The following SPMAP2L variants were observed in gnomAD, a reference collection of about 807,000 sequenced individuals.
SPMAP2L encodes the protein sperm microtubule associated protein 2 like, also known as sperm microtubule associated protein 2-like.
At chr4:56,541,403 T>C in the SPMAP2L span, among the ~76,000 whole-genome samples, 1 of 152,218 alleles carries the variant, frequency 6.6e-6, no homozygotes, top group Non-Finnish European at 1.5e-5. Flanking sequence ...TATTAATTTT[T>C]TCACTTGCAT....
chr4:56,558,640 T>C, the SPMAP2L span, among the ~76,000 whole-genome samples: 56 of 152,240 alleles, frequency 3.7e-4, no homozygotes, highest in East Asian at 8.9e-3. Context: ...ATACACACAT[T>C]ACCTCAGCTT....
At chr4:56,540,330 G>A in the SPMAP2L span, among the ~76,000 whole-genome samples, 1 of 152,022 alleles carries the variant, frequency 6.6e-6, no homozygotes, top group Non-Finnish European at 1.5e-5. Flanking sequence ...GTCACCTGAG[G>A]TCAGGAGTTC....
the SPMAP2L span, among the ~76,000 whole-genome samples, chr4:56,611,487 G>A: frequency 6.6e-5 from 10 of 152,094 alleles, no homozygotes; most frequent in Admixed American, 1.3e-4. Flanking sequence ...TATACTGCTC[G>A]GGAGATGGGT....
At chr4:56,591,215 T>G in the SPMAP2L span, among the ~76,000 whole-genome samples, 1 of 152,124 alleles carries the variant, frequency 6.6e-6, no homozygotes, top group Non-Finnish European at 1.5e-5. Context: ...TTGTTAAAAG[T>G]GTGTAGCACC....
At chr4:56,598,055 G>T in the SPMAP2L span, among the ~76,000 whole-genome samples, 9 of 152,124 alleles carry the variant, frequency 5.9e-5, no homozygotes, top group Admixed American at 5.9e-4. Flanking sequence ...AGAGACAGGG[G>T]TCTCACTATA....
the SPMAP2L span, chr4:56,595,330 G>C: frequency 6.2e-7 from 1 of 1,609,210 alleles, no homozygotes; most frequent in African/African-American, 1.3e-5. Flanking sequence ...TGGATTTCAC[G>C]CCCCTATCAT....
At chr4:56,530,732 A>G in the SPMAP2L span, 5 of 1,535,398 alleles carry the variant, frequency 3.3e-6, no homozygotes, top group Non-Finnish European at 4.4e-6. Flanking sequence ...ACCGATGGGC[A>G]GGTCTCAACA....
At chr4:56,553,815 G>C in the SPMAP2L span, among the ~76,000 whole-genome samples, 2,640 of 152,164 alleles carry the variant, frequency 0.017, 80 homozygotes, top group African/African-American at 0.06. Flanking sequence ...AAAATTACCT[G>C]TGTTCCAACT....
the SPMAP2L span, chr4:56,575,433 T>C: frequency 6.7e-7 from 1 of 1,495,122 alleles, no homozygotes; most frequent in South Asian, 1.3e-5. Context: ...TGGGGATCGA[T>C]GTTGGAAAAT....
chr4:56,588,041 G>A, the SPMAP2L span, among the ~76,000 whole-genome samples: 1 of 152,170 alleles, frequency 6.6e-6, no homozygotes, highest in Non-Finnish European at 1.5e-5. Context: ...TTGCATTGTA[G>A]TTTTGATTTG....
chr4:56,535,682 G>A, the SPMAP2L span, among the ~76,000 whole-genome samples: 1 of 152,156 alleles, frequency 6.6e-6, no homozygotes, highest in African/African-American at 2.4e-5. Flanking sequence ...GCCTCGTCCT[G>A]CTACAGGTCC....
chr4:56,591,562 T>G, the SPMAP2L span, among the ~76,000 whole-genome samples: 1 of 152,106 alleles, frequency 6.6e-6, no homozygotes, highest in Non-Finnish European at 1.5e-5. Context: ...ACACAAAACA[T>G]GTGAAACACT....
At chr4:56,587,019 T>G in the SPMAP2L span, among the ~76,000 whole-genome samples, 1 of 152,178 alleles carries the variant, frequency 6.6e-6, no homozygotes, top group Non-Finnish European at 1.5e-5. Context: ...AATAGCCTCA[T>G]TTTTAAATTT....
the SPMAP2L span, among the ~76,000 whole-genome samples, chr4:56,564,105 T>C: frequency 2.6e-5 from 4 of 151,502 alleles, no homozygotes; most frequent in Non-Finnish European, 4.4e-5. Context: ...GACAGTTTAT[T>C]AATTTCGTTG....
At chr4:56,620,386 GTTT>G in the SPMAP2L span, among the ~76,000 whole-genome samples, 1 of 141,962 alleles carries the variant, frequency 7.0e-6, no homozygotes, top group African/African-American at 2.6e-5. Context: ...TAGCCTTCTA[GTTT>G]TTTTTTTTTT....
the SPMAP2L span, chr4:56,596,666 C>CT: frequency 2.7e-6 from 4 of 1,476,264 alleles, no homozygotes; most frequent in South Asian, 5.5e-5. Context: ...CTTCAGCTCA[C>CT]TTTTTGGCTG....
At chr4:56,624,211 C>A in the SPMAP2L span, among the ~76,000 whole-genome samples, 1 of 152,100 alleles carries the variant, frequency 6.6e-6, no homozygotes, top group South Asian at 2.1e-4. Flanking sequence ...GAAATTTGAA[C>A]TTGAGAGAGA....
chr4:56,584,476 CAT>C, the SPMAP2L span: 1 of 1,452,096 alleles, frequency 6.9e-7, no homozygotes, highest in African/African-American at 1.4e-5. Context: ...TATAATATTT[CAT>C]GTTTCCATTT....
At chr4:56,594,505 C>G in the SPMAP2L span, 10 of 1,606,664 alleles carry the variant, frequency 6.2e-6, no homozygotes, top group East Asian at 1.8e-4. Context: ...TCCAGCCAAA[C>G]AGGGGAGCCC....
Sources: allele counts gnomAD v4.1 joint callset (sites outside exome capture counted in the v4.1 genomes callset), GRCh38; gene constraint gnomAD v4.1.1; transcripts MANE v1.5; gene names NCBI Gene and HGNC (gene_info 2026-07-23, HGNC 2026-07-21).